LRMDA: variants seen among roughly 807,000 people sequenced by gnomAD.
LRMDA encodes leucine rich melanocyte differentiation associated.
Under a neutral mutation model 29.8 loss-of-function variants are expected in LRMDA, and 18 were observed. The ratio of observed to expected loss-of-function variants is 0.60; its 90% CI spans 0.42 to 0.90. The LOEUF is 0.90. Among genes scored for constraint, LRMDA ranks in the 40% least tolerant of loss-of-function variants. The pLI, the probability that LRMDA is intolerant of heterozygous loss-of-function variation, is 0.00. For synonymous variants in LRMDA, 125 were observed against 109.4 expected, an observed-to-expected ratio of 1.14 and a Z score of -0.89; for missense variants, 273 against 273.9, an observed-to-expected ratio of 1.00 and a Z score of 0.02.
chr10:76,485,816 A>G (rs1433593874), intron 6 of LRMDA, among the ~76,000 whole-genome samples: 1 of 151,682 alleles, frequency 6.6e-6, no homozygotes, highest in Admixed American at 6.6e-5. Flanking sequence ...TAAGACATCT[A>G]CTTTAATTCT....
intron 5 of LRMDA, among the ~76,000 whole-genome samples, chr10:76,082,216 A>G (rs551300830): frequency 1.2e-3 from 177 of 152,272 alleles, no homozygotes; most frequent in African/African-American, 4.0e-3. Context: ...GTGTATACGC[A>G]GGGGGCCCTC....
At chr10:76,385,967 C>T (rs1410133380) in intron 6 of LRMDA, among the ~76,000 whole-genome samples, 1 of 152,102 alleles carries the variant, frequency 6.6e-6, no homozygotes, top group African/African-American at 2.4e-5. Flanking sequence ...GTAAATTTTA[C>T]TGTAACAAGT....
At chr10:75,974,340 C>T (rs773781549) in intron 2 of LRMDA, among the ~76,000 whole-genome samples, 5 of 152,280 alleles carry the variant, frequency 3.3e-5, no homozygotes, top group East Asian at 1.9e-4. Flanking sequence ...ACATTGCTAC[C>T]TCCAAAATAT....
At chr10:75,992,922 C>T (rs976248256) in intron 2 of LRMDA, among the ~76,000 whole-genome samples, 1 of 151,144 alleles carries the variant, frequency 6.6e-6, no homozygotes, top group African/African-American at 2.5e-5. Flanking sequence ...TTTAAATATT[C>T]AGGTTACAGG....
intron 2 of LRMDA, among the ~76,000 whole-genome samples, chr10:75,811,035 G>C (rs991139284): frequency 1.3e-5 from 2 of 152,186 alleles, no homozygotes; most frequent in African/African-American, 4.8e-5. Flanking sequence ...TGTGCCTACT[G>C]CCTTCTCAGT....
intron 2 of LRMDA, chr10:75,883,158 A>T (rs972334451): frequency 6.6e-6 from 1 of 152,134 alleles, no homozygotes; most frequent in Non-Finnish European, 1.5e-5. Context: ...TGCTGATGAC[A>T]TCAAAGCTAC....
At chr10:76,198,797 T>C (rs767287687) in intron 5 of LRMDA, among the ~76,000 whole-genome samples, 32 of 152,142 alleles carry the variant, frequency 2.1e-4, no homozygotes, top group Non-Finnish European at 4.6e-4. Context: ...TATTGTAGAG[T>C]GTATTTCTTT....
intron 2 of LRMDA, among the ~76,000 whole-genome samples, chr10:75,999,331 G>A (rs762541402): frequency 2.0e-5 from 3 of 152,170 alleles, no homozygotes; most frequent in Non-Finnish European, 4.4e-5. Flanking sequence ...TTTGGAGGCT[G>A]AGATTTATTG....
chr10:75,839,314 C>T (rs1216794595), intron 2 of LRMDA, among the ~76,000 whole-genome samples: 2 of 152,298 alleles, frequency 1.3e-5, no homozygotes, highest in Admixed American at 1.3e-4. Flanking sequence ...CACAGGCATC[C>T]TTCATCCACC....
intron 5 of LRMDA, among the ~76,000 whole-genome samples, chr10:76,173,693 C>A (rs985185482): frequency 9.2e-5 from 14 of 152,112 alleles, no homozygotes; most frequent in African/African-American, 2.4e-4. Context: ...CGGAGTCTCA[C>A]TCTGTCACCC....
chr10:75,635,184 T>C (rs1589141667), intron 2 of LRMDA, among the ~76,000 whole-genome samples: 2 of 152,204 alleles, frequency 1.3e-5, no homozygotes, highest in East Asian at 1.9e-4. Flanking sequence ...CATTTGTGTT[T>C]TGAGTTCGTA....
intron 2 of LRMDA, among the ~76,000 whole-genome samples, chr10:75,954,026 C>T (rs535367858): frequency 4.1e-4 from 63 of 152,264 alleles, no homozygotes; most frequent in African/African-American, 1.5e-3. Context: ...CTCTTGCTGG[C>T]GTGACAATGG....
At chr10:75,541,050 T>TG (rs1398904132) in intron 2 of LRMDA, among the ~76,000 whole-genome samples, 1 of 152,112 alleles carries the variant, frequency 6.6e-6, no homozygotes, top group African/African-American at 2.4e-5. Context: ...TAACAACTGT[T>TG]GGTTTAAATA....
At chr10:75,583,786 G>A (rs1177888570) in intron 2 of LRMDA, among the ~76,000 whole-genome samples, 1 of 151,942 alleles carries the variant, frequency 6.6e-6, no homozygotes, top group Non-Finnish European at 1.5e-5. Context: ...CACCAAATCA[G>A]TCATTAAGTC....
intron 6 of LRMDA, among the ~76,000 whole-genome samples, chr10:76,482,602 C>A (rs1052088149): frequency 9.9e-5 from 15 of 151,906 alleles, no homozygotes; most frequent in African/African-American, 3.6e-4. Context: ...TGATGATGGA[C>A]ATTTGATTTG....
intron 5 of LRMDA, among the ~76,000 whole-genome samples, chr10:76,152,404 TTATC>T (rs1315961670): frequency 6.6e-6 from 1 of 152,254 alleles, no homozygotes; most frequent in Non-Finnish European, 1.5e-5. Flanking sequence ...ATACCATATT[TTATC>T]TATCCATTAA....
intron 6 of LRMDA, among the ~76,000 whole-genome samples, chr10:76,534,200 A>G (rs1381350950): frequency 6.6e-6 from 1 of 152,238 alleles, no homozygotes; most frequent in Non-Finnish European, 1.5e-5. Flanking sequence ...TGTAATCATA[A>G]TATCAGAGAT....
At chr10:76,133,396 G>A (rs1272027361) in intron 5 of LRMDA, among the ~76,000 whole-genome samples, 3 of 151,990 alleles carry the variant, frequency 2.0e-5, no homozygotes, top group South Asian at 2.1e-4. Context: ...GATGTTAAGC[G>A]TCACTTAGGC....
intron 2 of LRMDA, among the ~76,000 whole-genome samples, chr10:75,977,126 T>C (rs1439637900): frequency 2.2e-5 from 2 of 90,904 alleles, no homozygotes; most frequent in Non-Finnish European, 5.2e-5. Context: ...TTTCTTCCCT[T>C]TTTTTTTTTT....
Sources: gnomAD v4.1 joint callset for allele counts (sites outside exome capture counted in the v4.1 genomes callset) on GRCh38, gnomAD v4.1.1 for gene constraint, MANE v1.5 for transcripts, NCBI Gene and HGNC (gene_info 2026-07-23, HGNC 2026-07-21) for gene names.